IGF1R: variants seen among roughly 807,000 people sequenced by gnomAD.
The protein encoded by IGF1R is insulin like growth factor 1 receptor, also known as insulin-like growth factor 1 receptor.
In IGF1R, 44 loss-of-function variants were observed where a neutral mutation model predicts 144.6. The ratio of observed to expected loss-of-function variants is 0.30; its 90% CI spans 0.24 to 0.39. The LOEUF is 0.39. Among genes scored for constraint, IGF1R ranks in the 10% least tolerant of loss-of-function variants. The probability of loss-of-function intolerance (pLI) is 1.00; values close to 1 mark genes in which losing one functional copy is unlikely to be tolerated. For missense variants in IGF1R, 1,355 were observed against 1,833.7 expected, an observed-to-expected ratio of 0.74 and a Z score of 4.77; for synonymous variants, 795 against 722.8, an observed-to-expected ratio of 1.10 and a Z score of -1.60.
intron 2 of IGF1R, among the ~76,000 whole-genome samples, chr15:98,731,429 G>A (rs1384141688): frequency 6.6e-6 from 1 of 152,176 alleles, no homozygotes; most frequent in Non-Finnish European, 1.5e-5. Context: ...CCCCTCATAT[G>A]ACTTTGGTTC....
At chr15:98,873,416 G>A (rs1427263834) in intron 2 of IGF1R, among the ~76,000 whole-genome samples, 1 of 152,186 alleles carries the variant, frequency 6.6e-6, no homozygotes, top group South Asian at 2.1e-4. Flanking sequence ...AAGCAAGATC[G>A]CTGGCTGCTT....
chr15:98,841,664 C>G (rs2011176491), intron 2 of IGF1R, among the ~76,000 whole-genome samples: 2 of 152,180 alleles, frequency 1.3e-5, no homozygotes, highest in South Asian at 4.1e-4. Context: ...TGAGTGCTTT[C>G]AAAATACAGA....
At chr15:98,753,521 C>T (rs2055074225) in intron 2 of IGF1R, among the ~76,000 whole-genome samples, 1 of 151,648 alleles carries the variant, frequency 6.6e-6, no homozygotes, top group Admixed American at 6.6e-5. Context: ...ATGTGAGCCA[C>T]TATGCCTGGC....
At chr15:98,754,078 T>C (rs1447013173) in intron 2 of IGF1R, among the ~76,000 whole-genome samples, 2 of 152,230 alleles carry the variant, frequency 1.3e-5, no homozygotes, top group African/African-American at 4.8e-5. Flanking sequence ...TAACTCCCTT[T>C]CCTGTTGATA....
chr15:98,885,189 C>T (rs1242686976), intron 2 of IGF1R, among the ~76,000 whole-genome samples: 1 of 152,230 alleles, frequency 6.6e-6, no homozygotes, highest in South Asian at 2.1e-4. Flanking sequence ...CCTGGGAGGG[C>T]TGGGCTGAGT....
chr15:98,831,107 C>T (rs1169043560), intron 2 of IGF1R, among the ~76,000 whole-genome samples: 1 of 152,228 alleles, frequency 6.6e-6, no homozygotes. Flanking sequence ...AAACACCTCC[C>T]ACCAGGCCCC....
chr15:98,728,003 CA>C (rs1322436436), intron 2 of IGF1R, among the ~76,000 whole-genome samples: 1 of 67,540 alleles, frequency 1.5e-5, no homozygotes, highest in East Asian at 4.9e-4. Flanking sequence ...ACTGAAGATG[CA>C]TTGTTTTTTT....
chr15:98,675,896 G>A (rs942687830), intron 1 of IGF1R, among the ~76,000 whole-genome samples: 7 of 132,826 alleles, frequency 5.3e-5, no homozygotes, highest in African/African-American at 2.0e-4. Context: ...TGTGATCTCT[G>A]TTCAAAGCAG....
chr15:98,936,597 T>C (rs922111464), intron 17 of IGF1R, among the ~76,000 whole-genome samples: 3 of 151,258 alleles, frequency 2.0e-5, no homozygotes, highest in South Asian at 2.1e-4. Flanking sequence ...TCTTTTGCTG[T>C]TCTTCATTTG....
chr15:98,839,219 A>G (rs780839738), intron 2 of IGF1R, among the ~76,000 whole-genome samples: 1 of 152,192 alleles, frequency 6.6e-6, no homozygotes, highest in Non-Finnish European at 1.5e-5. Flanking sequence ...ATTTATCCCC[A>G]CTTTAGAGAC....
chr15:98,960,734 TCCTGA>T lies in IGF1R; in HGVS notation c.*3296_*3300del, dbSNP rs922592345. ...AGCCTGTGCGCCAGAATGCAGAGGC[TCCTGA>T]CCTCACAGCCAGTCCCTGATAGAAC... On this transcript the variant is annotated 3_prime_UTR_variant, in exon 21 of 21. Transcript: ENST00000650285. 8.6e-6 allele frequency: 2 copies of T among 233,322 alleles called. No individual in the cohort carries two copies. Among genetic ancestry groups the T allele is most frequent in the Admixed American group, 5.6e-5 (1 of 17,782 alleles). The allele number at this position is 233,322 out of a possible 1,614,324, so 14.5% of individuals were successfully genotyped here. A position where few individuals can be genotyped will look rare whatever the true frequency, so the allele number is the denominator to read the frequency against.
intron 2 of IGF1R, among the ~76,000 whole-genome samples, chr15:98,772,941 T>C (rs568855385): frequency 6.6e-6 from 1 of 152,312 alleles, no homozygotes; most frequent in South Asian, 2.1e-4. Flanking sequence ...TAATACTCCT[T>C]GATTCAAATC....
intron 2 of IGF1R, among the ~76,000 whole-genome samples, chr15:98,783,816 T>C (rs1225420132): frequency 2.0e-5 from 3 of 152,192 alleles, no homozygotes; most frequent in African/African-American, 7.2e-5. Flanking sequence ...CCGATGCTGT[T>C]GCTAGAAAGT....
At chr15:98,812,123 C>G (rs924986022) in intron 2 of IGF1R, among the ~76,000 whole-genome samples, 2 of 152,130 alleles carry the variant, frequency 1.3e-5, no homozygotes, top group African/African-American at 4.8e-5. Flanking sequence ...ATTTAAAAAG[C>G]CCTCCTTGAG....
At chr15:98,853,759 C>T (rs1596361542) in intron 2 of IGF1R, among the ~76,000 whole-genome samples, 1 of 152,328 alleles carries the variant, frequency 6.6e-6, no homozygotes, top group East Asian at 1.9e-4. Flanking sequence ...CGCCCCGTCT[C>T]AGCCCCTGCG....
intron 2 of IGF1R, among the ~76,000 whole-genome samples, chr15:98,727,493 A>G (rs1425389906): frequency 6.6e-6 from 1 of 152,056 alleles, no homozygotes. Flanking sequence ...TCTCAGGGAG[A>G]TAAAGGTGCA....
At position 98,893,117 on chromosome 15, in the gene IGF1R, C is replaced by A. The variant is rs117002573; in HGVS notation, c.953+1480C>A. On this transcript the variant is annotated intron_variant, in intron 3 of 20. Transcript: ENST00000650285. The stretch of plus-strand genomic sequence containing the variant: ...TCTGAGTCTGTCAAAATCTATTCTA[C>A]AAATATAAAAATATCGTTAGAAAAG... 2.7e-4 allele frequency among the ~76,000 whole-genome samples: 41 copies of A among 152,300 alleles called. 1 individual carries two copies. The South Asian group carries it at 3.5e-3, about 13-fold the overall frequency.
rs2015274315 is a variant in IGF1R, at chr15:98,916,850, C to T, written c.2175C>T (p.Phe725=). 2 of 1,613,972 alleles carry T rather than the reference C, an allele frequency of 1.2e-6. No homozygotes were observed. The highest frequency in any genetic ancestry group is 1.3e-5 in the African/African-American group (1 of 74,890). ...EAEYRKVFEN[F]LHNSIFVPRP... is the part of the protein sequence containing the mutation. ...AATACCGCAAAGTCTTTGAGAATTT[C>T]CTGCACAACTCCATCTTCGTGCCCA... The change falls in exon 10 of 21, where the codon TTC becomes TTT. Residue 725 remains phenylalanine (F), a synonymous_variant. Transcript: ENST00000650285.
In IGF1R at chr15:98,948,587, G is replaced by A. The variant is rs556493537; in HGVS notation, c.3601G>A (p.Val1201Ile). 8 of 1,614,026 alleles carry A rather than the reference G, an allele frequency of 5.0e-6. No homozygotes were observed. The highest frequency in any genetic ancestry group is 1.7e-5 in the Admixed American group (1 of 60,006). Residue 1201 changes from valine to isoleucine, a missense_variant, in exon 20 of 21, where the codon GTC becomes ATC. By Grantham distance (29) the Val-to-Ile change is conservative. Transcript: ENST00000650285. ...TTCTCCCTGTAGGTCCTTCGGGGTC[G>A]TCCTCTGGGAGATCGCCACACTGGC... Reference protein sequence around the residue: ...TYSDVWSFGVVLWEIATLAEQ... With the variant: ...TYSDVWSFGVILWEIATLAEQ...
Sources: allele counts gnomAD v4.1 joint callset (sites outside exome capture counted in the v4.1 genomes callset), GRCh38; gene constraint gnomAD v4.1.1; transcripts MANE v1.5; gene names NCBI Gene and HGNC (gene_info 2026-07-23, HGNC 2026-07-21).